Variants in ATG14 observed in about 807,000 individuals in gnomAD.
ATG14 encodes the protein autophagy related 14, also known as beclin 1-associated autophagy-related key regulator.
In ATG14, 35 loss-of-function variants were observed where a neutral mutation model predicts 60.4. The ratio of observed to expected loss-of-function variants is 0.58; its 90% CI spans 0.44 to 0.77. The LOEUF (loss-of-function observed/expected upper bound fraction) is 0.77. Among genes scored for constraint, ATG14 ranks in the 30% least tolerant of loss-of-function variants. ATG14 has a pLI of 0.00. For synonymous variants in ATG14, 234 were observed against 228.8 expected, an observed-to-expected ratio of 1.02 and a Z score of -0.21; for missense variants, 647 against 626.3, an observed-to-expected ratio of 1.03 and a Z score of -0.35.
chr14:55,366,516 G>C lies in ATG14; in HGVS notation c.*3103C>G, dbSNP rs778333697. On this transcript the variant is annotated 3_prime_UTR_variant, in exon 10 of 10. Coordinates refer to ENST00000247178, the MANE Select transcript of ATG14 (RefSeq NM_014924.5). The stretch of plus-strand genomic sequence containing the variant: ...AACATGATACTGTGAGGAGATTCTC[G>C]GACACTAGTCCTCTAACAGCATGCC... 1 of 152,546 alleles carries C rather than the reference G, an allele frequency of 6.6e-6. No homozygotes were observed. The highest frequency in any genetic ancestry group is 1.5e-5 in the Non-Finnish European group (1 of 68,028). 9.4% of individuals were successfully genotyped at this position (152,546 alleles called of 1,614,324 possible). A position where few individuals can be genotyped will look rare whatever the true frequency, so the allele number is the denominator to read the frequency against.
At chr14:55,392,799 C>T (rs982680789) in intron 3 of ATG14, among the ~76,000 whole-genome samples, 4 of 152,100 alleles carry the variant, frequency 2.6e-5, no homozygotes, top group Admixed American at 6.5e-5. Flanking sequence ...TGGTAAGAGA[C>T]ACAGAACAGA....
At chr14:55,388,907 T>C (rs1027589356) in intron 4 of ATG14, among the ~76,000 whole-genome samples, 2 of 152,170 alleles carry the variant, frequency 1.3e-5, no homozygotes, top group East Asian at 1.9e-4. Flanking sequence ...TAACCAGTCA[T>C]GATGAGAGGA....
intron 3 of ATG14, among the ~76,000 whole-genome samples, chr14:55,392,678 CTAGT>C (rs1885239441): frequency 6.7e-6 from 1 of 149,140 alleles, no homozygotes; most frequent in Non-Finnish European, 1.5e-5. Context: ...GAAGGATCTA[CTAGT>C]TAGTTAAAAA....
chr14:55,382,227 AGAG>A (rs1885048672), intron 5 of ATG14, 36 bp from the exon 6 acceptor site: 1 of 1,603,214 alleles, frequency 6.2e-7, no homozygotes, highest in South Asian at 1.1e-5. Context: ...TTTTCAAGAG[AGAG>A]GGTTTTTAAG....
chr14:55,390,380 A>G (rs1022832024), intron 4 of ATG14, among the ~76,000 whole-genome samples: 7 of 139,832 alleles, frequency 5.0e-5, no homozygotes, highest in Non-Finnish European at 1.1e-4. Context: ...CAACTTTTTT[A>G]TTTTTTTCTT....
Position 55,368,061 on chromosome 14 carries a change from G to T in ATG14, c.*1558C>A, listed in dbSNP as rs1420013708. The T allele has an allele frequency of 6.6e-6, 1 of 152,406 alleles. No individual in the cohort carries two copies. Among genetic ancestry groups the T allele is most frequent in the Non-Finnish European group, 1.5e-5 (1 of 68,000 alleles). The allele number at this position is 152,406 out of a possible 1,614,324, so 9.4% of individuals were successfully genotyped here. On this transcript the variant is annotated 3_prime_UTR_variant, in exon 10 of 10. Transcript: ENST00000247178. ...AATGCCTGTTAGGACTCTTTCATAG[G>T]ATTTCTTTTGGTAGTTGTTACATAG...
chr14:55,393,351 C>T (rs975139788), intron 3 of ATG14, among the ~76,000 whole-genome samples: 13 of 151,746 alleles, frequency 8.6e-5, no homozygotes, highest in Non-Finnish European at 1.9e-4. Context: ...CGCCACTGCA[C>T]TCCAGCCTGG....
intron 1 of ATG14, among the ~76,000 whole-genome samples, chr14:55,402,605 T>C (rs1271014033): frequency 6.6e-6 from 1 of 152,030 alleles, no homozygotes; most frequent in Non-Finnish European, 1.5e-5. Context: ...TATGCTTTTA[T>C]TCTTTAATCA....
intron 3 of ATG14, among the ~76,000 whole-genome samples, chr14:55,394,319 T>C (rs1277388799): frequency 6.6e-6 from 1 of 152,170 alleles, no homozygotes; most frequent in African/African-American, 2.4e-5. Flanking sequence ...TTTTCCTTCA[T>C]AATTGAGATT....
At chr14:55,398,240 C>T (rs1180579368) in intron 1 of ATG14, among the ~76,000 whole-genome samples, 1 of 152,036 alleles carries the variant, frequency 6.6e-6, no homozygotes, top group East Asian at 1.9e-4. Flanking sequence ...TGTGAGCCAC[C>T]GCGCCCAGCA....
chr14:55,371,941 C>T (rs942866421), intron 9 of ATG14, among the ~76,000 whole-genome samples: 4 of 152,178 alleles, frequency 2.6e-5, no homozygotes, highest in African/African-American at 7.2e-5. Flanking sequence ...ATTTCTCTGC[C>T]AGCAAACTAA....
In ATG14 at chr14:55,411,622, G is replaced by A. The variant is rs113035258; in HGVS notation, c.201C>T (p.Phe67=). 39 of 1,611,444 alleles carry A rather than the reference G, an allele frequency of 2.4e-5. 1 individual carries two copies. The highest frequency in any genetic ancestry group is 1.9e-4 in the African/African-American group (14 of 75,064). Residue 67 remains phenylalanine, a synonymous_variant, in exon 1 of 10, where the codon TTC becomes TTT. Transcript: ENST00000247178. ...CGTACCTCTCCCGGTCGCGGCCGTC[G>A]AAGTAGACGAAATCGCCGCTCTGAA... The part of the protein sequence containing the change: ...KCVQSGDFVY[F]DGRDRERFID...
intron 7 of ATG14, among the ~76,000 whole-genome samples, chr14:55,379,554 A>T (rs1371853558): frequency 6.6e-6 from 1 of 152,168 alleles, no homozygotes; most frequent in Non-Finnish European, 1.5e-5. Context: ...TAAGAAAAAG[A>T]AGAAAGTAAA....
Position 55,411,636 on chromosome 14 carries a change from C to T in ATG14, c.187G>A (p.Asp63Asn), listed in dbSNP as rs1389216584. Reference protein sequence around the residue: ...LTCAKCVQSGDFVYFDGRDRE... With the variant: ...LTCAKCVQSGNFVYFDGRDRE... ...TCGCGGCCGTCGAAGTAGACGAAAT[C>T]GCCGCTCTGAACGCATTTGGCGCAG... The change falls in exon 1 of 10, where the codon GAT becomes AAT. Residue 63 changes from aspartate (D) to asparagine (N), a missense_variant. Coordinates refer to ENST00000247178, the MANE Select transcript of ATG14 (RefSeq NM_014924.5). The T allele has an allele frequency of 6.2e-7, 1 of 1,612,880 alleles. No individual in the cohort carries two copies. The highest frequency in any genetic ancestry group is 1.1e-5 in the South Asian group (1 of 90,982).
At chr14:55,380,857 A>G (rs192734537) in intron 6 of ATG14, among the ~76,000 whole-genome samples, 167 bp from the exon 7 acceptor site, 1,058 of 91,750 alleles carry the variant, frequency 0.012, 5 homozygotes, top group South Asian at 0.026. Context: ...CTTTGTGTGT[A>G]TATATATATA....
intron 1 of ATG14, among the ~76,000 whole-genome samples, chr14:55,401,220 A>G (rs915291974): frequency 6.7e-6 from 1 of 149,774 alleles, no homozygotes; most frequent in Non-Finnish European, 1.5e-5. Context: ...CTGGCTACTG[A>G]TTTTTCTTGT....
At chr14:55,370,340 G>A (rs1884785860) in intron 9 of ATG14, among the ~76,000 whole-genome samples, 1 of 152,158 alleles carries the variant, frequency 6.6e-6, no homozygotes, top group Admixed American at 6.6e-5. Flanking sequence ...ATTATTTAGT[G>A]TAATAAGTAA....
intron 2 of ATG14, among the ~76,000 whole-genome samples, chr14:55,396,262 T>C (rs1474308598): frequency 3.3e-5 from 5 of 152,230 alleles, no homozygotes; most frequent in African/African-American, 1.2e-4. Context: ...CATCAGTAAC[T>C]GCCATCCGTC....
intron 1 of ATG14, among the ~76,000 whole-genome samples, chr14:55,398,090 G>A (rs920274894): frequency 6.6e-6 from 1 of 151,908 alleles, no homozygotes; most frequent in Non-Finnish European, 1.5e-5. Context: ...TGGGACTACA[G>A]GCGCCTGCCA....
Sources: gnomAD v4.1 joint callset for allele counts (sites outside exome capture counted in the v4.1 genomes callset) on GRCh38, gnomAD v4.1.1 for gene constraint, MANE v1.5 for transcripts, NCBI Gene and HGNC (gene_info 2026-07-23, HGNC 2026-07-21) for gene names.